MB21D2: variants seen among roughly 807,000 people sequenced by gnomAD.
MB21D2 encodes Mab-21 domain containing 2.
In MB21D2, 9 loss-of-function variants were observed where a neutral mutation model predicts 33.3. The ratio of observed to expected loss-of-function variants is 0.27; its 90% CI spans 0.16 to 0.47. MB21D2 has a LOEUF of 0.47. Ranked by LOEUF, MB21D2 falls within the 20% of genes least tolerant of loss-of-function variation. MB21D2 has a pLI of 0.99. For missense variants in MB21D2, 540 were observed against 624.6 expected, an observed-to-expected ratio of 0.86 and a Z score of 1.44; for synonymous variants, 241 against 236.3, an observed-to-expected ratio of 1.02 and a Z score of -0.18.
intron 1 of MB21D2, among the ~76,000 whole-genome samples, chr3:192,876,645 C>G (rs1021696852): frequency 6.6e-6 from 1 of 152,174 alleles, no homozygotes; most frequent in Admixed American, 6.5e-5. Flanking sequence ...TATGATCTAG[C>G]CCCTGTTCCC....
intron 1 of MB21D2, among the ~76,000 whole-genome samples, chr3:192,817,168 G>A (rs1169205820): frequency 1.3e-5 from 2 of 152,110 alleles, no homozygotes; most frequent in Non-Finnish European, 2.9e-5. Flanking sequence ...ATTTAGTAAT[G>A]TAGTCATGTG....
In MB21D2 at chr3:192,917,853, G is replaced by T; in HGVS notation, c.-13C>A. 6 of 1,603,866 alleles carry T rather than the reference G, an allele frequency of 3.7e-6. No homozygotes were observed. The highest frequency in any genetic ancestry group is 5.1e-6 in the Non-Finnish European group (6 of 1,175,004). ...CCGCCATCTTCATGCAAAACGCGCCGAGTAGCAGCTCCGCGGCAGCGCGGC... is the reference window on the plus strand; with the variant it reads ...CCGCCATCTTCATGCAAAACGCGCCTAGTAGCAGCTCCGCGGCAGCGCGGC... On this transcript the variant is annotated 5_prime_UTR_variant, in exon 1 of 2. Transcript: ENST00000392452.
At chr3:192,913,772 C>T (rs1373972435) in intron 1 of MB21D2, among the ~76,000 whole-genome samples, 1 of 152,018 alleles carries the variant, frequency 6.6e-6, no homozygotes. Context: ...TTTGAGGCTG[C>T]GGTGAGCCAT....
chr3:192,849,051 T>C (rs910390729), intron 1 of MB21D2, among the ~76,000 whole-genome samples: 15 of 152,228 alleles, frequency 9.9e-5, no homozygotes, highest in African/African-American at 3.4e-4. Context: ...ATATCACAGA[T>C]TCAGTTTTGT....
chr3:192,910,134 G>A lies in MB21D2; in HGVS notation c.211+7496C>T, dbSNP rs959167701. 2.2e-4 allele frequency among the ~76,000 whole-genome samples: 33 copies of A among 151,166 alleles called. 2 individuals are homozygous for A. Among genetic ancestry groups the A allele is most frequent in the Non-Finnish European group, 5.9e-5 (4 of 67,856 alleles). The stretch of plus-strand genomic sequence containing the variant: ...AATAAGGTAGGTAAAATCCTCGGAG[G>A]TCACCAATGTGAGAATTCATTACTC... On this transcript the variant is annotated intron_variant, in intron 1 of 1. Transcript: ENST00000392452.
chr3:192,884,821 T>A (rs980941383), intron 1 of MB21D2, among the ~76,000 whole-genome samples: 1 of 151,930 alleles, frequency 6.6e-6, no homozygotes, highest in African/African-American at 2.4e-5. Flanking sequence ...ACCCTACACA[T>A]AAGAGGAGCC....
chr3:192,798,717 C>T lies in MB21D2; in HGVS notation c.1145G>A (p.Cys382Tyr). 1 of 1,613,410 alleles carries T rather than the reference C, an allele frequency of 6.2e-7. No homozygotes were observed. The highest frequency in any genetic ancestry group is 2.2e-5 in the East Asian group (1 of 44,892). ...CTCAGACAGATGTTCCAGCATGTTG[C>T]ACTGAGGGATGAAATAATTGGGGCA... ...KMCPNYFIPQ[C>Y]NMLEHLSEET... The change falls in exon 2 of 2, where the codon TGC becomes TAC. Residue 382 changes from cysteine (C) to tyrosine (Y), a missense_variant. Coordinates refer to ENST00000392452, the MANE Select transcript of MB21D2 (RefSeq NM_178496.4). This position sits in a 1 kb window ranked among gnomAD's most constrained non-coding sequence, Gnocchi z 4.8.
At chr3:192,811,773 G>T (rs182435150) in intron 1 of MB21D2, among the ~76,000 whole-genome samples, 2 of 152,058 alleles carry the variant, frequency 1.3e-5, no homozygotes, top group East Asian at 3.9e-4. Context: ...GAACAATGGG[G>T]ATTAAGGTTG....
chr3:192,836,936 T>C (rs1479614563), intron 1 of MB21D2, among the ~76,000 whole-genome samples: 6 of 152,162 alleles, frequency 3.9e-5, no homozygotes, highest in Non-Finnish European at 8.8e-5. Flanking sequence ...CTCAGACATC[T>C]GTACTTTTTT....
intron 1 of MB21D2, among the ~76,000 whole-genome samples, chr3:192,854,106 C>T (rs188803003): frequency 2.6e-5 from 4 of 152,308 alleles, no homozygotes; most frequent in African/African-American, 9.6e-5. Context: ...ATGTCCTTCA[C>T]CCTAAGTCGA....
chr3:192,904,011 C>A (rs753575531), intron 1 of MB21D2, among the ~76,000 whole-genome samples: 3 of 152,184 alleles, frequency 2.0e-5, no homozygotes, highest in African/African-American at 7.2e-5. Context: ...AATTACCAGT[C>A]TCAGGGATGT....
At chr3:192,861,189 A>G (rs1254091171) in intron 1 of MB21D2, among the ~76,000 whole-genome samples, 5 of 152,238 alleles carry the variant, frequency 3.3e-5, no homozygotes, top group Non-Finnish European at 7.3e-5. Context: ...AAGTGGAGCC[A>G]GGTATGCAGA....
At chr3:192,828,961 CT>C (rs892112428) in intron 1 of MB21D2, among the ~76,000 whole-genome samples, 1 of 151,958 alleles carries the variant, frequency 6.6e-6, no homozygotes, top group Non-Finnish European at 1.5e-5. Context: ...AACTCACCCC[CT>C]TTTAAAGATG....
At chr3:192,861,673 G>A (rs375139862) in intron 1 of MB21D2, among the ~76,000 whole-genome samples, 55 of 152,196 alleles carry the variant, frequency 3.6e-4, no homozygotes, top group Admixed American at 1.1e-3. Flanking sequence ...GCGTGGTGGC[G>A]CATGCCTGTA....
intron 1 of MB21D2, among the ~76,000 whole-genome samples, chr3:192,832,207 G>A (rs756800526): frequency 5.9e-5 from 9 of 152,132 alleles, no homozygotes; most frequent in Non-Finnish European, 1.2e-4. Flanking sequence ...CAGTTCTTAC[G>A]AACACACAAG....
At chr3:192,833,287 A>T (rs1294371834) in intron 1 of MB21D2, among the ~76,000 whole-genome samples, 2 of 152,208 alleles carry the variant, frequency 1.3e-5, no homozygotes, top group African/African-American at 4.8e-5. Flanking sequence ...GAGTTAAGAG[A>T]CTAAACAAAA....
At chr3:192,878,722 G>C (rs1713495956) in intron 1 of MB21D2, among the ~76,000 whole-genome samples, 1 of 152,184 alleles carries the variant, frequency 6.6e-6, no homozygotes, top group Non-Finnish European at 1.5e-5. Context: ...CCAGCACTTT[G>C]GGAGGCCAAG....
At chr3:192,816,466 T>A (rs1240625511) in intron 1 of MB21D2, among the ~76,000 whole-genome samples, 2 of 152,012 alleles carry the variant, frequency 1.3e-5, no homozygotes, top group Non-Finnish European at 2.9e-5. Context: ...CCACTAGAGG[T>A]CATGCCTTCC....
intron 1 of MB21D2, among the ~76,000 whole-genome samples, chr3:192,810,891 G>C (rs1711775196): frequency 6.6e-6 from 1 of 152,210 alleles, no homozygotes; most frequent in Admixed American, 6.5e-5. Context: ...TTGTGTGTGT[G>C]TGTGTGTGCG....
Sources: allele counts gnomAD v4.1 joint callset (sites outside exome capture counted in the v4.1 genomes callset), GRCh38; gene constraint gnomAD v4.1.1; non-coding constraint Gnocchi (gnomAD v3.1); transcripts MANE v1.5; gene names NCBI Gene and HGNC (gene_info 2026-07-23, HGNC 2026-07-21).